Variants in HCFC2 observed in about 807,000 individuals in gnomAD.
The protein encoded by HCFC2 is host cell factor C2, also known as host cell factor 2.
A neutral mutation model predicts 89.2 loss-of-function variants in HCFC2; 18 were observed. The observed-to-expected ratio is 0.20, with a 90% CI of 0.14 to 0.30. The LOEUF is 0.30. Ranked by LOEUF, HCFC2 falls within the 10% of genes least tolerant of loss-of-function variation. The probability of loss-of-function intolerance (pLI) is 1.00; values close to 1 mark genes in which losing one functional copy is unlikely to be tolerated. For missense variants in HCFC2, 578 were observed against 956.1 expected, an observed-to-expected ratio of 0.60 and a Z score of 5.21; for synonymous variants, 308 against 335.7, an observed-to-expected ratio of 0.92 and a Z score of 0.90.
chr12:104,066,661 T>C (rs570654528), intron 2 of HCFC2, among the ~76,000 whole-genome samples: 13 of 152,356 alleles, frequency 8.5e-5, no homozygotes, highest in Admixed American at 3.9e-4. Context: ...GTAGAAACTT[T>C]AGCCTGCAAC....
chr12:104,082,686 T>C (rs777095715), intron 6 of HCFC2, 27 bp from the exon 7 acceptor site: 2 of 1,590,562 alleles, frequency 1.3e-6, no homozygotes, highest in Non-Finnish European at 1.7e-6. Flanking sequence ...AACAAAAGAT[T>C]AGTCATGGAT....
chr12:104,065,878 C>G (rs945668454), intron 1 of HCFC2, among the ~76,000 whole-genome samples: 8 of 152,150 alleles, frequency 5.3e-5, no homozygotes, highest in African/African-American at 1.9e-4. Context: ...CAGCAGCACT[C>G]TCGACCTTTT....
In HCFC2 at chr12:104,066,227, A is replaced by C. The variant is rs1883138220; in HGVS notation, c.224A>C (p.His75Pro). Residue 75 changes from histidine to proline, a missense_variant, in exon 2 of 15, where the codon CAT becomes CCT. Physicochemically the swap from His to Pro is moderately conservative, Grantham distance 77. This residue lies in a region of HCFC2 where 206 missense variants were observed against 419.2 expected (regional missense o/e 0.49). Transcript: ENST00000229330. Reference sequence around the variant, plus strand: ...GATATCCCTCCAGGCTGTGCTGCCCATGGATTTGTCTGTGATGGTACCAGA... The same window carrying C: ...GATATCCCTCCAGGCTGTGCTGCCCCTGGATTTGTCTGTGATGGTACCAGA... ...RGDIPPGCAAHGFVCDGTRIL... is the reference protein window; with the variant it reads ...RGDIPPGCAAPGFVCDGTRIL... The C allele has an allele frequency of 6.2e-7, 1 of 1,613,336 alleles. No individual in the cohort carries two copies.
intron 12 of HCFC2, 125 bp downstream of exon 12, chr12:104,096,558 G>A: frequency 1.7e-6 from 1 of 588,276 alleles, no homozygotes; most frequent in South Asian, 2.8e-5. Context: ...CATAAATTTA[G>A]AAATAAATGA....
At chr12:104,073,463 C>T (rs575677062) in intron 3 of HCFC2, among the ~76,000 whole-genome samples, 6 of 152,144 alleles carry the variant, frequency 3.9e-5, no homozygotes, top group South Asian at 2.1e-4. Flanking sequence ...ATGCCCAGCC[C>T]GCTTTGCCTT....
chr12:104,101,183 AT>A (rs2029925896), intron 13 of HCFC2, among the ~76,000 whole-genome samples: 1 of 152,202 alleles, frequency 6.6e-6, no homozygotes, highest in African/African-American at 2.4e-5. Context: ...TTGAATTTTA[AT>A]TTAAAAAATG....
chr12:104,094,797 T>C (rs1453547577), intron 10 of HCFC2, among the ~76,000 whole-genome samples: 1 of 152,096 alleles, frequency 6.6e-6, no homozygotes, highest in East Asian at 1.9e-4. Flanking sequence ...GATTTGATGA[T>C]GTTTACGAGC....
rs966131838 is a variant in HCFC2 at position 104,095,961 on chromosome 12, C to T, written c.1666+398C>T. On this transcript the variant is annotated intron_variant, in intron 11 of 14. Coordinates refer to ENST00000229330, the MANE Select transcript of HCFC2 (RefSeq NM_013320.3). The surrounding 1 kb of genome is among the most constrained non-coding windows in gnomAD (Gnocchi z 4.2). Reference sequence around the variant, plus strand: ...TCTTTCCTACCATGAATAAATTTAGCAAACTTTTTTTTAGACAAGATTGGT... The same window carrying T: ...TCTTTCCTACCATGAATAAATTTAGTAAACTTTTTTTTAGACAAGATTGGT... Among the ~76,000 whole-genome samples the T allele has an allele frequency of 1.3e-5, 2 of 152,064 alleles. No individual in the cohort carries two copies. The highest frequency in any genetic ancestry group is 1.5e-5 in the Non-Finnish European group (1 of 67,994).
Position 104,093,511 on chromosome 12 carries a change from A to G in HCFC2, c.1410A>G (p.Ser470=). The G allele has an allele frequency of 1.2e-6, 2 of 1,613,388 alleles. No individual in the cohort carries two copies. The highest frequency in any genetic ancestry group is 8.5e-7 in the Non-Finnish European group (1 of 1,179,564). ...CCATTTTATATCCATCTTTGGCATC[A>G]AATGCTTCTAATCATAATAGTCATG... ...SNAILYPSLA[S]NASNHNSHVV... The change falls in exon 10 of 15, where the codon TCA becomes TCG. Residue 470 remains serine, a synonymous_variant. Coordinates refer to ENST00000229330, the MANE Select transcript of HCFC2 (RefSeq NM_013320.3).
At chr12:104,079,831 G>A (rs145328261) in intron 4 of HCFC2, among the ~76,000 whole-genome samples, 178 bp downstream of exon 4, 303 of 152,312 alleles carry the variant, frequency 2.0e-3, no homozygotes, top group Non-Finnish European at 6.5e-4. Flanking sequence ...GAAAATGAAT[G>A]TTTGGTTTAT....
intron 14 of HCFC2, 45 bp downstream of exon 14, chr12:104,102,198 A>G (rs770417893): frequency 6.6e-7 from 1 of 1,509,446 alleles, no homozygotes. Flanking sequence ...AAATTATTTG[A>G]AATTTCACAT....
In HCFC2 at chr12:104,105,546, A is replaced by G. The variant is rs1292664518; in HGVS notation, c.*2273A>G. On this transcript the variant is annotated 3_prime_UTR_variant, in exon 15 of 15. Coordinates refer to ENST00000229330, the MANE Select transcript of HCFC2 (RefSeq NM_013320.3). ...TACTGAGGGATTTGTTAAAATCATA[A>G]ATGTTTTTGCCCTGAGACTTAGCCC... 1 of 151,706 alleles carries G rather than the reference A, an allele frequency of 6.6e-6. No individual in the cohort carries two copies. Among genetic ancestry groups the G allele is most frequent in the East Asian group, 1.9e-4 (1 of 5,194 alleles). 9.4% of individuals were successfully genotyped at this position (151,706 alleles called of 1,614,324 possible). A position where few individuals can be genotyped will look rare whatever the true frequency, so the allele number is the denominator to read the frequency against.
intron 3 of HCFC2, among the ~76,000 whole-genome samples, chr12:104,075,693 C>T (rs777281928): frequency 6.6e-6 from 1 of 152,186 alleles, no homozygotes; most frequent in African/African-American, 2.4e-5. Context: ...CTCCTGGCCT[C>T]AAGCAGTCCT....
chr12:104,088,945 C>T (rs1205761548), intron 9 of HCFC2, among the ~76,000 whole-genome samples: 1 of 152,092 alleles, frequency 6.6e-6, no homozygotes, highest in South Asian at 2.1e-4. Context: ...GATTTCTGTT[C>T]CCTAGAAGCA....
chr12:104,077,633 T>C (rs976221734), intron 3 of HCFC2, among the ~76,000 whole-genome samples: 2 of 151,934 alleles, frequency 1.3e-5, no homozygotes, highest in Non-Finnish European at 2.9e-5. Flanking sequence ...CTTTACTTTT[T>C]CCCTATTTAT....
intron 2 of HCFC2, among the ~76,000 whole-genome samples, chr12:104,066,536 A>G (rs1883154880): frequency 6.6e-6 from 1 of 152,350 alleles, no homozygotes; most frequent in South Asian, 2.1e-4. Context: ...TTAAAACCCA[A>G]AGTTTCCTGG....
At chr12:104,072,178 C>T (rs1372161258) in intron 3 of HCFC2, among the ~76,000 whole-genome samples, 1 of 152,132 alleles carries the variant, frequency 6.6e-6, no homozygotes, top group Non-Finnish European at 1.5e-5. Context: ...ATGAGACCAG[C>T]CTGGGCAACA....
At chr12:104,065,152 A>G (rs1593586350) in intron 1 of HCFC2, 1 of 154,070 alleles carries the variant, frequency 6.5e-6, no homozygotes, top group Non-Finnish European at 1.4e-5. Context: ...AAGACCATCT[A>G]GGGGGTGAGG....
At chr12:104,075,865 G>T in intron 3 of HCFC2, among the ~76,000 whole-genome samples, 1 of 151,206 alleles carries the variant, frequency 6.6e-6, no homozygotes, top group South Asian at 2.1e-4. Flanking sequence ...TTATATCTTT[G>T]GCCGTATGCC....
Sources: allele counts gnomAD v4.1 joint callset (sites outside exome capture counted in the v4.1 genomes callset), GRCh38; gene constraint gnomAD v4.1.1; regional missense constraint gnomAD v4.1.1; non-coding constraint Gnocchi (gnomAD v3.1); transcripts MANE v1.5; gene names NCBI Gene and HGNC (gene_info 2026-07-23, HGNC 2026-07-21).